The following ASPA variants were observed in gnomAD, a reference collection of about 807,000 sequenced individuals.
ASPA encodes ACY-2.
A neutral mutation model predicts 29.6 loss-of-function variants in ASPA; 25 were observed. That is an observed-to-expected ratio of 0.85 (90% CI 0.62 to 1.18). The LOEUF is 1.18. ASPA is among the 50% of genes most tolerant of loss of function. ASPA has a pLI of 0.00. For synonymous variants in ASPA, 131 were observed against 130.3 expected (o/e 1.01, Z -0.04); for missense variants, 333 against 385.7 (o/e 0.86, Z 1.14).
At chr17:3,489,388 T>G (rs1458571910) in intron 4 of ASPA, 46 bp downstream of exon 4, 1 of 1,461,094 alleles carries the variant, frequency 6.8e-7, no homozygotes, top group African/African-American at 1.4e-5. Context: ...CCACCAAACA[T>G]TTAAATAACA....
At chr17:3,495,924 A>G (rs1316310206) in intron 5 of ASPA, among the ~76,000 whole-genome samples, 1 of 152,176 alleles carries the variant, frequency 6.6e-6, no homozygotes, top group African/African-American at 2.4e-5. Flanking sequence ...AGAAAGCACT[A>G]TTGGTGACAA....
chr17:3,480,857 T>G (rs1260904858), intron 1 of ASPA, among the ~76,000 whole-genome samples: 4 of 152,242 alleles, frequency 2.6e-5, no homozygotes, highest in Non-Finnish European at 5.9e-5. Flanking sequence ...GGAGTCAGGT[T>G]AGATCTCTTT....
In ASPA at chr17:3,501,316, G is replaced by C. The variant is rs904306972; in HGVS notation, c.*2228G>C. ...AGAACATTCAGGATCCGTGGGAGGA[G>C]ATCAAAATATCAACATTAACAGGAG... On this transcript the variant is annotated 3_prime_UTR_variant, in exon 6 of 6. Transcript: ENST00000263080. 1 of 152,206 alleles carries C rather than the reference G, an allele frequency of 6.6e-6. No homozygotes were observed. Among genetic ancestry groups the C allele is most frequent in the South Asian group, 2.1e-4 (1 of 4,834 alleles). The allele number at this position is 152,206 out of a possible 1,614,324, so 9.4% of individuals were successfully genotyped here.
chr17:3,483,564 C>T lies in ASPA; in HGVS notation c.498C>T (p.Thr166=), dbSNP rs1291929523. 8 of 1,613,988 alleles carry T rather than the reference C, an allele frequency of 5.0e-6. 1 individual carries two copies. The Admixed American group carries it at 8.3e-5, about 17-fold the overall frequency. Residue 166 remains threonine, a synonymous_variant, in exon 3 of 6, where the codon ACC becomes ACT. Coordinates refer to ENST00000263080, the MANE Select transcript of ASPA (RefSeq NM_000049.4). The part of the protein sequence containing the change: ...LIEHPSLKYA[T]TRSIAKYPVG... ...AGCATCCTTCCCTCAAATATGCGAC[C>T]ACTCGTTCCATAGCCAAGTATCCTG...
At chr17:3,479,525 A>G (rs767806685) in intron 1 of ASPA, among the ~76,000 whole-genome samples, 2 of 152,222 alleles carry the variant, frequency 1.3e-5, no homozygotes, top group African/African-American at 4.8e-5. Context: ...GAGCGGCCAC[A>G]TGATATCATC....
At chr17:3,491,254 TCAGGGACCA>T (rs1281665611) in intron 4 of ASPA, among the ~76,000 whole-genome samples, 1 of 152,166 alleles carries the variant, frequency 6.6e-6, no homozygotes, top group Non-Finnish European at 1.5e-5. Context: ...GTTAACAACA[TCAGGGACCA>T]AAGTTTTGTT....
At chr17:3,498,573 C>T (rs1309451963) in intron 5 of ASPA, among the ~76,000 whole-genome samples, 1 of 152,096 alleles carries the variant, frequency 6.6e-6, no homozygotes, top group Non-Finnish European at 1.5e-5. Flanking sequence ...TTTTGAACTC[C>T]TAGGCTCAAG....
chr17:3,476,556 G>A, intron 1 of ASPA, among the ~76,000 whole-genome samples, 161 bp downstream of exon 1: 1 of 152,202 alleles, frequency 6.6e-6, no homozygotes, highest in East Asian at 1.9e-4. Flanking sequence ...ACTGCATTGT[G>A]AATTGCACAA....
intron 4 of ASPA, among the ~76,000 whole-genome samples, chr17:3,491,381 G>A (rs2073821251): frequency 6.6e-6 from 1 of 152,110 alleles, no homozygotes; most frequent in Admixed American, 6.5e-5. Flanking sequence ...CGTAATCCAG[G>A]AGAAACATCT....
intron 5 of ASPA, among the ~76,000 whole-genome samples, chr17:3,496,371 C>T (rs2073907335): frequency 6.6e-6 from 1 of 152,104 alleles, no homozygotes; most frequent in African/African-American, 2.4e-5. Flanking sequence ...AATAATATAG[C>T]AGAGGGTATA....
At position 3,497,824 on chromosome 17, in the gene ASPA, G is replaced by T. The variant is rs983510030; in HGVS notation, c.745-1067G>T. Among the ~76,000 whole-genome samples the T allele has an allele frequency of 2.6e-5, 4 of 152,190 alleles. No individual in the cohort carries two copies. The South Asian group carries it at 8.3e-4, about 32-fold the overall frequency. ...ATGCGGATGCTGCTGGGAAATGTTA[G>T]ACATGCAGAATCCCAGGCCCCCACC... is the stretch of plus-strand genomic sequence containing the variant. On this transcript the variant is annotated intron_variant, in intron 5 of 5. Coordinates refer to ENST00000263080, the MANE Select transcript of ASPA (RefSeq NM_000049.4).
intron 4 of ASPA, among the ~76,000 whole-genome samples, chr17:3,492,408 G>C (rs999264986): frequency 9.2e-5 from 14 of 152,186 alleles, no homozygotes; most frequent in African/African-American, 3.4e-4. Context: ...TTGGTTTAAA[G>C]AAATGAGATC....
chr17:3,489,912 C>T (rs1174242910), intron 4 of ASPA, among the ~76,000 whole-genome samples: 1 of 152,146 alleles, frequency 6.6e-6, no homozygotes, highest in African/African-American at 2.4e-5. Flanking sequence ...TGTTATCGTG[C>T]ATCATTTATA....
At chr17:3,492,189 C>A (rs2150756545) in intron 4 of ASPA, among the ~76,000 whole-genome samples, 1 of 152,284 alleles carries the variant, frequency 6.6e-6, no homozygotes, top group South Asian at 2.1e-4. Flanking sequence ...ACAGAAATTT[C>A]TTATTAAAAA....
chr17:3,491,877 C>T (rs200664739), intron 4 of ASPA, among the ~76,000 whole-genome samples: 36 of 123,008 alleles, frequency 2.9e-4, no homozygotes, highest in Admixed American at 7.3e-4. Context: ...CTTTTGTTTT[C>T]TTTTTTTTTT....
intron 5 of ASPA, among the ~76,000 whole-genome samples, chr17:3,497,369 GAAC>G (rs1183993945): frequency 6.6e-6 from 1 of 152,142 alleles, no homozygotes; most frequent in Non-Finnish European, 1.5e-5. Context: ...AGAAAACAGT[GAAC>G]TATAAATGGG....
At chr17:3,484,509 T>G (rs777404205) in intron 3 of ASPA, among the ~76,000 whole-genome samples, 3 of 151,142 alleles carry the variant, frequency 2.0e-5, no homozygotes, top group Non-Finnish European at 2.9e-5. Flanking sequence ...AGGTTGTGTA[T>G]GTGTATGTGT....
Position 3,481,628 on chromosome 17 carries a change from T to C in ASPA, c.262T>C (p.Tyr88His), listed in dbSNP as rs775451292. The C allele has an allele frequency of 5.6e-6, 9 of 1,613,654 alleles. No homozygotes were observed. In the Admixed American group the frequency reaches 1.0e-4, roughly 18 times the overall value. The change falls in exon 2 of 6, where the codon TAT becomes CAT. Residue 88 changes from tyrosine to histidine, a missense_variant. Physicochemically the swap from Tyr to His is moderately conservative, Grantham distance 83. Transcript: ENST00000263080. Reference protein sequence around the residue: ...LGKKMSEDLPYEVRRAQEINH... With the variant: ...LGKKMSEDLPHEVRRAQEINH... ...CAAAAAAATGTCAGAAGATTTGCCA[T>C]ATGAAGTGAGAAGGGCTCAAGAAAT...
rs139562234 is a variant in ASPA, at chr17:3,497,094, G to C, written c.745-1797G>C. ...AAAAAGAAAAAATGCTGATTTCTGAGTCCTCTTCCCAGGGGCTCTGATCTA... is the reference window on the plus strand; with the variant it reads ...AAAAAGAAAAAATGCTGATTTCTGACTCCTCTTCCCAGGGGCTCTGATCTA... On this transcript the variant is annotated intron_variant, in intron 5 of 5. Transcript: ENST00000263080. Among the ~76,000 whole-genome samples, 1,194 of 152,244 alleles carry C rather than the reference G, an allele frequency of 7.8e-3. 12 individuals carry two copies. The highest frequency in any genetic ancestry group is 0.028 in the African/African-American group (1,146 of 41,554).
Sources: gnomAD v4.1 joint callset for allele counts (sites outside exome capture counted in the v4.1 genomes callset) on GRCh38, gnomAD v4.1.1 for gene constraint, MANE v1.5 for transcripts, NCBI Gene and HGNC (gene_info 2026-07-23, HGNC 2026-07-21) for gene names.